The following CABLES1 variants were observed in gnomAD, a reference collection of about 807,000 sequenced individuals.
CABLES1 encodes the protein Cdk5 and Abl enzyme substrate 1.
In CABLES1, 36 loss-of-function variants were observed where a neutral mutation model predicts 57.8. The ratio of observed to expected loss-of-function variants is 0.62; its 90% confidence interval spans 0.48 to 0.82. The LOEUF is 0.82. Ranked by LOEUF, CABLES1 falls within the 40% of genes least tolerant of loss-of-function variation. CABLES1 has a pLI of 0.00. For synonymous variants in CABLES1, 374 were observed against 363.0 expected (o/e 1.03, Z -0.35); for missense variants, 767 against 836.6 (o/e 0.92, Z 1.03).
chr18:23,188,075 G>A (rs2047215511), intron 1 of CABLES1, among the ~76,000 whole-genome samples: 1 of 152,126 alleles, frequency 6.6e-6, no homozygotes, highest in African/African-American at 2.4e-5. Context: ...GATGGTCTTT[G>A]TTCAAGTAGA....
chr18:23,179,612 A>G (rs541332013), intron 1 of CABLES1, among the ~76,000 whole-genome samples: 2 of 152,332 alleles, frequency 1.3e-5, no homozygotes, highest in South Asian at 2.1e-4. Flanking sequence ...CCAGTATGCC[A>G]CTGTAGTGTC....
At chr18:23,248,597 G>A (rs2047962741) in intron 7 of CABLES1, among the ~76,000 whole-genome samples, 1 of 150,706 alleles carries the variant, frequency 6.6e-6, no homozygotes, top group South Asian at 2.1e-4. Flanking sequence ...GGAGGCCGAG[G>A]CGGGTGGATC....
chr18:23,165,091 A>AT (rs1390021179), intron 1 of CABLES1, among the ~76,000 whole-genome samples: 1 of 151,228 alleles, frequency 6.6e-6, no homozygotes, highest in Admixed American at 6.6e-5. Context: ...TCTTTTAACC[A>AT]TTTTTTTCTC....
At chr18:23,243,468 G>GTTTTTTTTTTTTTTT (rs551293348) in intron 7 of CABLES1, among the ~76,000 whole-genome samples, 3 of 101,876 alleles carry the variant, frequency 2.9e-5, no homozygotes, top group Non-Finnish European at 4.1e-5. Context: ...TGGGTTTGGT[G>GTTTTTTTTTTTTTTT]TTTTTTTTTT....
chr18:23,188,848 A>G lies in CABLES1; in HGVS notation c.856A>G (p.Ile286Val), dbSNP rs1206469617. 6.2e-7 allele frequency: 1 copy of G among 1,613,842 alleles called. No homozygotes were observed. ...EQLQRSRRRL[I>V]SQRSSLETLE... is the part of the protein sequence containing the mutation. Reference sequence around the variant, plus strand: ...TCCTTCTTTCTGCAGACGGCGCCTCATCTCCCAGAGATCTTCCTTGGAGAC... The same window carrying G: ...TCCTTCTTTCTGCAGACGGCGCCTCGTCTCCCAGAGATCTTCCTTGGAGAC... Residue 286 changes from isoleucine (I) to valine (V), a missense_variant, in exon 2 of 10, where the codon ATC (isoleucine) becomes GTC (valine). Around this residue, in one of 4 missense-constraint regions of CABLES1, gnomAD observed 529 missense variants for 622.8 expected, o/e 0.85. Transcript: ENST00000256925.
intron 1 of CABLES1, among the ~76,000 whole-genome samples, chr18:23,164,410 A>G (rs899764598): frequency 1.3e-5 from 2 of 150,984 alleles, no homozygotes; most frequent in African/African-American, 4.8e-5. Context: ...CCCCCAGTGT[A>G]GGGCCACGTA....
At chr18:23,207,956 C>T (rs905730645) in intron 3 of CABLES1, among the ~76,000 whole-genome samples, 2 of 152,190 alleles carry the variant, frequency 1.3e-5, no homozygotes, top group Admixed American at 6.5e-5. Flanking sequence ...TTCTCAGATG[C>T]ATCAGACCAT....
intron 1 of CABLES1, among the ~76,000 whole-genome samples, chr18:23,161,934 A>C (rs563665247): frequency 4.6e-5 from 7 of 151,776 alleles, no homozygotes; most frequent in Non-Finnish European, 8.8e-5. Flanking sequence ...AAAAAAAAAA[A>C]GCGGGTGGAT....
rs9946848 is a variant in CABLES1 at position 23,180,883 on chromosome 18, C to T, written c.846-7955C>T. Among the ~76,000 whole-genome samples the T allele has an allele frequency of 2.3e-3, 346 of 152,258 alleles. 1 individual carries two copies. Among genetic ancestry groups the T allele is most frequent in the African/African-American group, 8.0e-3 (332 of 41,560 alleles). On this transcript the variant is annotated intron_variant, in intron 1 of 9. Coordinates refer to ENST00000256925, the MANE Select transcript of CABLES1 (RefSeq NM_001100619.3). ...GCAAGAAGCAGGGGATGGAGGCTTC[C>T]GCCCAGAAAGTCAGAGATTCTGTAA...
At chr18:23,164,981 C>G (rs530596594) in intron 1 of CABLES1, among the ~76,000 whole-genome samples, 16 of 152,198 alleles carry the variant, frequency 1.1e-4, no homozygotes, top group Middle Eastern at 3.4e-3. Flanking sequence ...CCATGCTGGC[C>G]AGGCTGGTCT....
chr18:23,259,672 G>C lies in CABLES1; in HGVS notation c.*2305G>C, dbSNP rs1487281338. 6.6e-6 allele frequency: 1 copy of C among 152,240 alleles called. No individual in the cohort carries two copies. 9.4% of individuals were successfully genotyped at this position (152,240 alleles called of 1,614,324 possible). ...CTTTTCGGAGGCAAAGGAAGTGGAG[G>C]AGGGTGAGAGATGCAGGTCACTGCC... On this transcript the variant is annotated 3_prime_UTR_variant, in exon 10 of 10. Transcript: ENST00000256925.
chr18:23,155,678 C>T (rs1187912230), intron 1 of CABLES1: 3 of 591,568 alleles, frequency 5.1e-6, no homozygotes, highest in Non-Finnish European at 8.4e-6. Flanking sequence ...GTATTTCTGT[C>T]TGGGGCGGCA....
At chr18:23,141,711 T>C (rs1267918457) in intron 1 of CABLES1, among the ~76,000 whole-genome samples, 4 of 152,182 alleles carry the variant, frequency 2.6e-5, no homozygotes, top group African/African-American at 7.2e-5. Context: ...GAGAAATACA[T>C]AGGAAGCCTG....
intron 4 of CABLES1, among the ~76,000 whole-genome samples, chr18:23,221,516 A>T (rs2047487123): frequency 6.6e-6 from 1 of 152,130 alleles, no homozygotes. Flanking sequence ...ACCTTACAGG[A>T]TTTCCAGGAC....
chr18:23,158,640 G>A (rs1162382237), intron 1 of CABLES1, among the ~76,000 whole-genome samples: 2 of 152,218 alleles, frequency 1.3e-5, no homozygotes, highest in Non-Finnish European at 2.9e-5. Flanking sequence ...ACTGTCAGCA[G>A]TGAGCAGATT....
At chr18:23,217,428 T>TC (rs2047450368) in intron 4 of CABLES1, among the ~76,000 whole-genome samples, 1 of 152,156 alleles carries the variant, frequency 6.6e-6, no homozygotes, top group African/African-American at 2.4e-5. Context: ...AGGTCCTTTG[T>TC]CAGACCTAAC....
chr18:23,171,494 A>G (rs1406948209), intron 1 of CABLES1, among the ~76,000 whole-genome samples: 2 of 152,254 alleles, frequency 1.3e-5, no homozygotes, highest in Non-Finnish European at 2.9e-5. Flanking sequence ...AGCCCTGCTT[A>G]TCCTTAGCCA....
intron 4 of CABLES1, among the ~76,000 whole-genome samples, chr18:23,216,567 G>C (rs2047443658): frequency 6.6e-6 from 1 of 152,196 alleles, no homozygotes; most frequent in Non-Finnish European, 1.5e-5. Context: ...TCATTGTGAA[G>C]AACTTGGGAG....
intron 3 of CABLES1, among the ~76,000 whole-genome samples, chr18:23,203,059 T>G (rs1259059568): frequency 2.6e-5 from 4 of 152,042 alleles, no homozygotes; most frequent in Admixed American, 6.5e-5. Context: ...CACGGTCCTG[T>G]TAAGAAAGGA....
Sources: allele counts gnomAD v4.1 joint callset (sites outside exome capture counted in the v4.1 genomes callset), GRCh38; gene constraint gnomAD v4.1.1; regional missense constraint gnomAD v4.1.1; transcripts MANE v1.5; gene names NCBI Gene and HGNC (gene_info 2026-07-23, HGNC 2026-07-21).